CYP4F8: variants seen among roughly 807,000 people sequenced by gnomAD.
CYP4F8 encodes cytochrome P450 4F8.
CYP4F8 carries 56 observed loss-of-function variants against 55.0 expected under a neutral mutation model. The observed-to-expected ratio is 1.02, with a 90% CI of 0.82 to 1.27. The LOEUF (loss-of-function observed/expected upper bound fraction) is 1.27, where lower values mean the gene tolerates loss of function less well. Among genes scored for constraint, CYP4F8 ranks in the 50% most tolerant of loss-of-function variants. The pLI is 0.00. For missense variants in CYP4F8, 680 were observed against 682.4 expected, an observed-to-expected ratio of 1.00 and a Z score of 0.04; for synonymous variants, 288 against 267.3, an observed-to-expected ratio of 1.08 and a Z score of -0.76.
rs752878836 is a variant in CYP4F8 at position 15,628,388 on chromosome 19, G to A, written c.1202G>A (p.Gly401Asp). ...CCCCCAATCCCTACATTCGCCCGCG[G>A]CTGCACCCAGGACGTGGTGCTCCCA... Reference protein sequence around the residue: ...LHPPIPTFARGCTQDVVLPDS... With the variant: ...LHPPIPTFARDCTQDVVLPDS... The change falls in exon 10 of 13, where the codon GGC (glycine) becomes GAC (aspartate). Residue 401 changes from glycine to aspartate, a missense_variant. Physicochemically the swap from Gly to Asp is moderately conservative, Grantham distance 94. Transcript: ENST00000612078. 5.0e-6 allele frequency: 8 copies of A among 1,614,090 alleles called. No homozygotes were observed. In the South Asian group the frequency reaches 8.8e-5, roughly 18 times the overall value.
chr19:15,623,583 G>C, intron 7 of CYP4F8, 116 bp from the exon 8 acceptor site: 1 of 1,305,806 alleles, frequency 7.7e-7, no homozygotes, highest in African/African-American at 1.7e-5. Flanking sequence ...AGCATGTGGG[G>C]GTAGATCTGG....
chr19:15,624,287 G>T (rs559450245), intron 9 of CYP4F8, among the ~76,000 whole-genome samples, 193 bp downstream of exon 9: 2 of 152,280 alleles, frequency 1.3e-5, no homozygotes, highest in African/African-American at 4.8e-5. Flanking sequence ...AATGGTCTGG[G>T]AGTCCATATT....
At position 15,622,072 on chromosome 19, in the gene CYP4F8, A is replaced by T. The variant is rs973460043; in HGVS notation, c.526-147A>T. 5.6e-6 allele frequency: 6 copies of T among 1,067,290 alleles called. No individual in the cohort carries two copies. The Admixed American group carries it at 9.3e-5, about 17-fold the overall frequency. 66.1% of individuals were successfully genotyped at this position (1,067,290 alleles called of 1,614,324 possible). ...CCTAATAGTAACAGCTTCCACTCTC[A>T]CCCAAGCGTAGTCCTCCCTGAGGAT... On this transcript the variant is annotated intron_variant, in intron 5 of 12. Coordinates refer to ENST00000612078, the MANE Select transcript of CYP4F8 (RefSeq NM_007253.4).
intron 3 of CYP4F8, 161 bp from the exon 4 acceptor site, chr19:15,619,329 T>G: frequency 1.3e-6 from 1 of 744,020 alleles, no homozygotes; most frequent in Non-Finnish European, 2.2e-6. Context: ...CGGTCCCCTT[T>G]ATGCCCCCCA....
At chr19:15,619,185 T>C (rs1427417502) in intron 3 of CYP4F8, 1 of 325,296 alleles carries the variant, frequency 3.1e-6, no homozygotes, top group African/African-American at 2.1e-5. Context: ...TGTAAATGTG[T>C]TTTGTAGAGT....
chr19:15,627,042 T>G (rs1972271507), intron 9 of CYP4F8: 1 of 152,246 alleles, frequency 6.6e-6, no homozygotes, highest in South Asian at 2.1e-4. Flanking sequence ...TCTACTCTGT[T>G]CTATGGATCT....
intron 9 of CYP4F8, among the ~76,000 whole-genome samples, chr19:15,626,447 A>G (rs776183863): frequency 6.6e-6 from 1 of 152,188 alleles, no homozygotes; most frequent in Non-Finnish European, 1.5e-5. Context: ...TTCCATTTCT[A>G]TGACAGCTAG....
intron 11 of CYP4F8, 33 bp downstream of exon 11, chr19:15,628,628 G>T: frequency 5.6e-6 from 9 of 1,610,134 alleles, no homozygotes; most frequent in South Asian, 2.2e-5. Context: ...CATCCCCCGG[G>T]CCTGGTCGGG....
intron 9 of CYP4F8, chr19:15,627,902 G>T (rs1338882879): frequency 5.1e-6 from 1 of 195,038 alleles, no homozygotes; most frequent in Non-Finnish European, 1.0e-5. Flanking sequence ...GGGACTACAG[G>T]TGCCCACCAC....
chr19:15,623,356 A>T lies in CYP4F8; in HGVS notation c.899A>T (p.Asp300Val). Residue 300 changes from aspartate (D) to valine (V), a missense_variant, in exon 7 of 13, where the codon GAT becomes GTT. Transcript: ENST00000612078. ...KAKSKTLDFI[D>V]VLLLSEDKNG... ...AAGTCCAAGACTTTGGACTTTATTGATGTGCTCCTGCTGAGCGAGGTGGGC... is the reference window on the plus strand; with the variant it reads ...AAGTCCAAGACTTTGGACTTTATTGTTGTGCTCCTGCTGAGCGAGGTGGGC... 1 of 1,613,900 alleles carries T rather than the reference A, an allele frequency of 6.2e-7. No individual in the cohort carries two copies. Among genetic ancestry groups the T allele is most frequent in the Non-Finnish European group, 8.5e-7 (1 of 1,179,906 alleles).
intron 8 of CYP4F8, 61 bp downstream of exon 8, chr19:15,623,826 A>C: frequency 6.2e-7 from 1 of 1,606,254 alleles, no homozygotes; most frequent in South Asian, 1.1e-5. Flanking sequence ...AGGGAAGTGG[A>C]GGGCCGGCCC....
chr19:15,628,351 C>T lies in CYP4F8; in HGVS notation c.1165C>T (p.Leu389=). ...PFLTMCLKES[L]RLHPPIPTFA... is the part of the protein sequence containing the mutation. ...CCTGACCATGTGCCTGAAGGAGAGC[C>T]TGCGGTTGCATCCCCCAATCCCTAC... is the stretch of plus-strand genomic sequence containing the variant. The change falls in exon 10 of 13, where the codon CTG becomes TTG. Residue 389 remains leucine, a synonymous_variant. Coordinates refer to ENST00000612078, the MANE Select transcript of CYP4F8 (RefSeq NM_007253.4). 6.2e-7 allele frequency: 1 copy of T among 1,614,052 alleles called. No individual in the cohort carries two copies. The highest frequency in any genetic ancestry group is 8.5e-7 in the Non-Finnish European group (1 of 1,180,000).
In CYP4F8 at chr19:15,629,318, C is replaced by T. The variant is rs764168386; in HGVS notation, c.1523C>T (p.Ala508Val). Residue 508 changes from alanine (A) to valine (V), a missense_variant, in exon 13 of 13, where the codon GCG becomes GTG. By Grantham distance (64) the Ala-to-Val change is moderately conservative. Coordinates refer to ENST00000612078, the MANE Select transcript of CYP4F8 (RefSeq NM_007253.4). ...AGGACGCCGGAGATTGTTTTGCGTG[C>T]GGAGGACGGACTTTGGCTGCGAGTA... is the stretch of plus-strand genomic sequence containing the variant. Reference protein sequence around the residue: ...PRRTPEIVLRAEDGLWLRVEP... With the variant: ...PRRTPEIVLRVEDGLWLRVEP... 6.2e-7 allele frequency: 1 copy of T among 1,612,372 alleles called. No individual in the cohort carries two copies. Among genetic ancestry groups the T allele is most frequent in the African/African-American group, 1.3e-5 (1 of 74,912 alleles).
At chr19:15,617,057 C>T (rs1314972779) in intron 2 of CYP4F8, among the ~76,000 whole-genome samples, 2 of 152,292 alleles carry the variant, frequency 1.3e-5, no homozygotes, top group African/African-American at 4.8e-5. Flanking sequence ...CATGGGAGGG[C>T]CTGGGGCCCC....
At chr19:15,622,390 G>A (rs757501904) in intron 6 of CYP4F8, 50 bp downstream of exon 6, 1 of 1,517,704 alleles carries the variant, frequency 6.6e-7, no homozygotes, top group African/African-American at 1.4e-5. Context: ...GGGGGTGTGG[G>A]TGTGGGGAGA....
chr19:15,628,529 A>C lies in CYP4F8; in HGVS notation c.1250-2A>C, dbSNP rs1444521077. On this transcript the variant is annotated splice_acceptor_variant, in intron 10 of 12. Coordinates refer to ENST00000612078, the MANE Select transcript of CYP4F8 (RefSeq NM_007253.4). LOFTEE classifies it high-confidence loss of function. Reference sequence around the variant, plus strand: ...TTCTTACTGTCCTCTCCTGCACGACAGGGAATGTCTGTAACATCAACATCT... The same window carrying C: ...TTCTTACTGTCCTCTCCTGCACGACCGGGAATGTCTGTAACATCAACATCT... 1.2e-6 allele frequency: 2 copies of C among 1,613,798 alleles called. No homozygotes were observed. The highest frequency in any genetic ancestry group is 2.2e-5 in the East Asian group (1 of 44,882).
chr19:15,622,179 G>A (rs1168668639), intron 5 of CYP4F8, 40 bp from the exon 6 acceptor site: 3 of 1,592,712 alleles, frequency 1.9e-6, no homozygotes, highest in Non-Finnish European at 2.6e-6. Context: ...ACTCAGAGGA[G>A]CCAAGGCCTG....
rs1972312352 is a variant in CYP4F8, at chr19:15,629,735, C to G, written c.*377C>G. 1 of 176,816 alleles carries G rather than the reference C, an allele frequency of 5.7e-6. No homozygotes were observed. The allele number at this position is 176,816 out of a possible 1,614,324, so 11.0% of individuals were successfully genotyped here. A position where few individuals can be genotyped will look rare whatever the true frequency, so the allele number is the denominator to read the frequency against. On this transcript the variant is annotated 3_prime_UTR_variant, in exon 13 of 13. Transcript: ENST00000612078. ...TGAAATACAGATCACATTTGAAAGC[C>G]TTTCTTGAAGCTCAATTGGTTAAGT...
chr19:15,617,435 T>C (rs1972136656), intron 2 of CYP4F8, among the ~76,000 whole-genome samples: 1 of 152,184 alleles, frequency 6.6e-6, no homozygotes, highest in African/African-American at 2.4e-5. Flanking sequence ...TCCTGGGAAA[T>C]GTATTTATTT....
Sources: gnomAD v4.1 joint callset for allele counts (sites outside exome capture counted in the v4.1 genomes callset) on GRCh38, gnomAD v4.1.1 for gene constraint, MANE v1.5 for transcripts, NCBI Gene and HGNC (gene_info 2026-07-23, HGNC 2026-07-21) for gene names.